Variants in MFGE8 observed in about 807,000 individuals in gnomAD.
The protein encoded by MFGE8 is milk fat globule EGF and factor V/VIII domain containing.
A neutral mutation model predicts 42.6 loss-of-function variants in MFGE8; 34 were observed. The ratio of observed to expected loss-of-function variants is 0.80; its 90% CI spans 0.61 to 1.06. The LOEUF (loss-of-function observed/expected upper bound fraction) is 1.06, where lower values mean the gene tolerates loss of function less well. Among genes scored for constraint, MFGE8 ranks in the 50% least tolerant of loss-of-function variants. The pLI, the probability that MFGE8 is intolerant of heterozygous loss-of-function variation, is 0.00. For missense variants in MFGE8, 510 were observed against 516.9 expected (o/e 0.99, Z 0.13); for synonymous variants, 230 against 214.8 (o/e 1.07, Z -0.62).
Position 88,899,574 on chromosome 15 carries a change from C to T in MFGE8, c.1027-42G>A, listed in dbSNP as rs765098768. The T allele has an allele frequency of 1.9e-6, 3 of 1,614,046 alleles. No homozygotes were observed. The highest frequency in any genetic ancestry group is 2.5e-6 in the Non-Finnish European group (3 of 1,180,032). On this transcript the variant is annotated intron_variant, in intron 7 of 7. Coordinates refer to ENST00000268150, the MANE Select transcript of MFGE8 (RefSeq NM_005928.4). This position sits in a 1 kb window ranked among gnomAD's most constrained non-coding sequence, Gnocchi z 6.8. ...TGTCAGGAGGACCCCGAGCCAGCCC[C>T]CCTCCCCTCAGAGCCCCAGGCCAGA...
At position 88,898,937 on chromosome 15, in the gene MFGE8, CCAGGGCCGACG is replaced by C. The variant is rs907973884; in HGVS notation, c.*447_*457del. 8.0e-5 allele frequency: 20 copies of C among 251,194 alleles called. No homozygotes were observed. Among genetic ancestry groups the C allele is most frequent in the African/African-American group, 1.8e-4 (8 of 45,252 alleles). The allele number at this position is 251,194 out of a possible 1,614,324, so 15.6% of individuals were successfully genotyped here. ...ACAGCAGTTGTGGCCACATGGTACC[CCAGGGCCGACG>C]CAGGGCCGACGGGCAAGAGGCTGTT... On this transcript the variant is annotated 3_prime_UTR_variant, in exon 8 of 8. Coordinates refer to ENST00000268150, the MANE Select transcript of MFGE8 (RefSeq NM_005928.4).
intron 1 of MFGE8, chr15:88,910,185 A>C (rs1898893397): frequency 7.1e-6 from 3 of 423,708 alleles, no homozygotes; most frequent in South Asian, 6.2e-5. Flanking sequence ...GTGCTGGCTG[A>C]CAATGGCAGT....
At position 88,901,200 on chromosome 15, in the gene MFGE8, C is replaced by T. The variant is rs904977953; in HGVS notation, c.870+351G>A. Among the ~76,000 whole-genome samples the T allele has an allele frequency of 9.4e-5, 10 of 106,728 alleles. 4 individuals are homozygous for T. The highest frequency in any genetic ancestry group is 1.7e-4 in the Non-Finnish European group (8 of 48,008). 70.0% of individuals were successfully genotyped at this position (106,728 alleles called of 152,430 possible). ...TCACACATTCACACACACATTCACACATTCACACACACACATTCACACATA... is the reference window on the plus strand; with the variant it reads ...TCACACATTCACACACACATTCACATATTCACACACACACATTCACACATA... On this transcript the variant is annotated intron_variant, in intron 6 of 7. Transcript: ENST00000268150.
In MFGE8 at chr15:88,905,565, C is replaced by T. The variant is rs1326392302; in HGVS notation, c.685+192G>A. 1.3e-6 allele frequency: 1 copy of T among 742,734 alleles called. No homozygotes were observed. The allele number at this position is 742,734 out of a possible 1,614,324, so 46.0% of individuals were successfully genotyped here. A position where few individuals can be genotyped will look rare whatever the true frequency, so the allele number is the denominator to read the frequency against. ...CAGAATGCCCTGGGTCATGGGTTGG[C>T]AGACAGCAAACACCTGGGTGGGGCT... On this transcript the variant is annotated intron_variant, in intron 5 of 7. Transcript: ENST00000268150. The surrounding 1 kb of genome is among the most constrained non-coding windows in gnomAD (Gnocchi z 6.6).
rs1898678544 is a variant in MFGE8 at position 88,906,425 on chromosome 15, T to C, written c.540+201A>G. 4 of 628,748 alleles carry C rather than the reference T, an allele frequency of 6.4e-6. No homozygotes were observed. Among genetic ancestry groups the C allele is most frequent in the Non-Finnish European group, 1.2e-5 (4 of 346,058 alleles). The allele number at this position is 628,748 out of a possible 1,614,324, so 38.9% of individuals were successfully genotyped here. On this transcript the variant is annotated intron_variant, in intron 4 of 7. Transcript: ENST00000268150. The surrounding 1 kb of genome is among the most constrained non-coding windows in gnomAD (Gnocchi z 4.2). ...TTTTGAATCTCACTAGTCTCATCTCTAAAGTGGGACTATTGCTTATAAACC... is the reference window on the plus strand; with the variant it reads ...TTTTGAATCTCACTAGTCTCATCTCCAAAGTGGGACTATTGCTTATAAACC...
rs1391143553 is a variant in MFGE8 at position 88,905,325 on chromosome 15, C to G, written c.685+432G>C. On this transcript the variant is annotated intron_variant, in intron 5 of 7. Coordinates refer to ENST00000268150, the MANE Select transcript of MFGE8 (RefSeq NM_005928.4). The surrounding 1 kb of genome is among the most constrained non-coding windows in gnomAD (Gnocchi z 6.6). ...GCCCCACGCCCCTCATTCATTCATT[C>G]GCTCATTCATCAAATATTTATTGAG... The G allele has an allele frequency of 1.4e-5, 5 of 368,658 alleles. No homozygotes were observed. Among genetic ancestry groups the G allele is most frequent in the Non-Finnish European group, 2.7e-5 (5 of 187,850 alleles). 22.8% of individuals were successfully genotyped at this position (368,658 alleles called of 1,614,324 possible). A position where few individuals can be genotyped will look rare whatever the true frequency, so the allele number is the denominator to read the frequency against.
intron 2 of MFGE8, among the ~76,000 whole-genome samples, chr15:88,908,732 C>G (rs754119678): frequency 6.6e-6 from 1 of 152,174 alleles, no homozygotes; most frequent in African/African-American, 2.4e-5. Flanking sequence ...GCAACCCGTC[C>G]GCCAAACCAT....
At chr15:88,901,527 C>CCCCA in intron 6 of MFGE8, 24 bp downstream of exon 6, 26 of 1,490,678 alleles carry the variant, frequency 1.7e-5, no homozygotes, top group East Asian at 4.7e-5. Flanking sequence ...ACCCCAGCCC[C>CCCCA]ATATCCCAAG....
intron 1 of MFGE8, chr15:88,910,192 C>T (rs1188413567): frequency 2.4e-6 from 1 of 411,270 alleles, no homozygotes; most frequent in Non-Finnish European, 4.6e-6. Context: ...CTGACAATGG[C>T]AGTGGTGCTG....
At chr15:88,909,073 C>T (rs1898833738) in intron 2 of MFGE8, among the ~76,000 whole-genome samples, 1 of 152,222 alleles carries the variant, frequency 6.6e-6, no homozygotes, top group Non-Finnish European at 1.5e-5. Context: ...AACCCGCCTG[C>T]CCCATGAGGA....
chr15:88,901,877 G>A (rs1472629613), intron 5 of MFGE8, 142 bp from the exon 6 acceptor site: 11 of 788,300 alleles, frequency 1.4e-5, no homozygotes, highest in Middle Eastern at 3.3e-4. Flanking sequence ...AGCTCCATCC[G>A]CCTTGCAGGG....
chr15:88,912,837 C>A (rs1899031167), intron 1 of MFGE8: 1 of 985,324 alleles, frequency 1.0e-6, no homozygotes. Flanking sequence ...GGGAGATGGC[C>A]AGGACAAAGT....
Position 88,901,224 on chromosome 15 carries a change from TACACATTCACAC to T in MFGE8, c.870+315_870+326del, listed in dbSNP as rs1382650860. 1.5e-4 allele frequency among the ~76,000 whole-genome samples: 12 copies of T among 82,168 alleles called. 3 individuals carry two copies. Among genetic ancestry groups the T allele is most frequent in the South Asian group, 4.4e-4 (1 of 2,272 alleles). 53.9% of individuals were successfully genotyped at this position (82,168 alleles called of 152,430 possible). A position where few individuals can be genotyped will look rare whatever the true frequency, so the allele number is the denominator to read the frequency against. ...ACATTCACACACACACATTCACACA[TACACATTCACAC>T]ACACATTCACACGCACGCATTCACA... On this transcript the variant is annotated intron_variant, in intron 6 of 7. Coordinates refer to ENST00000268150, the MANE Select transcript of MFGE8 (RefSeq NM_005928.4).
chr15:88,912,153 CCTT>C, intron 1 of MFGE8: 6 of 1,289,856 alleles, frequency 4.7e-6, no homozygotes, highest in South Asian at 1.2e-5. Flanking sequence ...GGTGTTTCCT[CCTT>C]CTGGAAAAGG....
intron 5 of MFGE8, chr15:88,904,429 G>C (rs1898572649): frequency 6.6e-6 from 1 of 152,256 alleles, no homozygotes; most frequent in South Asian, 2.1e-4. Context: ...GAGTGGTCCA[G>C]ACCCTGAAGG....
At chr15:88,912,392 C>G in intron 1 of MFGE8, 2 of 985,202 alleles carry the variant, frequency 2.0e-6, no homozygotes, top group Non-Finnish European at 2.4e-6. Flanking sequence ...TCAGGCAGAT[C>G]ACAGGACATA....
At position 88,913,249 on chromosome 15, in the gene MFGE8, A is replaced by G; in HGVS notation, c.71T>C (p.Leu24Pro). The change falls in exon 1 of 8, where the codon CTG (leucine) becomes CCG (proline). Residue 24 changes from leucine (L) to proline (P), a missense_variant and splice_region_variant. Coordinates refer to ENST00000268150, the MANE Select transcript of MFGE8 (RefSeq NM_005928.4). ...AGAGGGCGGCGCGATCCACTCACCC[A>G]GGGCGACGAGGAGGCTGGGGGCGCA... is the stretch of plus-strand genomic sequence containing the variant. ...LLCAPSLLVA[L>P]DICSKNPCHN... The G allele has an allele frequency of 1.3e-6, 2 of 1,505,216 alleles. No individual in the cohort carries two copies. Among genetic ancestry groups the G allele is most frequent in the Non-Finnish European group, 8.8e-7 (1 of 1,134,806 alleles). The allele number at this position is 1,505,216 out of a possible 1,614,324, so 93.2% of individuals were successfully genotyped here.
At chr15:88,901,475 G>T (rs1898425646) in intron 6 of MFGE8, 76 bp downstream of exon 6, 2 of 1,441,968 alleles carry the variant, frequency 1.4e-6, no homozygotes, top group Admixed American at 3.4e-5. Context: ...GCCTGGGCTG[G>T]AGAGAGGTCA....
chr15:88,909,107 A>G (rs1401434480), intron 2 of MFGE8, among the ~76,000 whole-genome samples: 1 of 152,140 alleles, frequency 6.6e-6, no homozygotes, highest in East Asian at 1.9e-4. Flanking sequence ...GGGAGCACTA[A>G]GTGGGAGGGA....
Sources: allele counts gnomAD v4.1 joint callset (sites outside exome capture counted in the v4.1 genomes callset), GRCh38; gene constraint gnomAD v4.1.1; non-coding constraint Gnocchi (gnomAD v3.1); transcripts MANE v1.5; gene names NCBI Gene and HGNC (gene_info 2026-07-23, HGNC 2026-07-21).